The following GRAMD1C variants were observed in gnomAD, a reference collection of about 807,000 sequenced individuals.
The protein encoded by GRAMD1C is protein Aster-C.
GRAMD1C carries 89 observed loss-of-function variants against 97.8 expected under a neutral mutation model. The ratio of observed to expected loss-of-function variants is 0.91; its 90% CI spans 0.77 to 1.09. The LOEUF (loss-of-function observed/expected upper bound fraction) is 1.09, where lower values mean the gene tolerates loss of function less well. GRAMD1C is among the 50% of genes least tolerant of loss of function. The probability of loss-of-function intolerance (pLI) is 0.00; values close to 1 mark genes in which losing one functional copy is unlikely to be tolerated. For synonymous variants in GRAMD1C, 256 were observed against 267.0 expected, an observed-to-expected ratio of 0.96 and a Z score of 0.40; for missense variants, 740 against 766.4, an observed-to-expected ratio of 0.97 and a Z score of 0.41.
At position 113,875,466 on chromosome 3, in the gene GRAMD1C, T is replaced by G. The variant is rs1048744210; in HGVS notation, c.260-18T>G. ...CAGATTTTCGTGAATAAGCTGTATC[T>G]TATTTTTGTGTATATAGATTATGCT... is the stretch of plus-strand genomic sequence containing the variant. On this transcript the variant is annotated intron_variant, in intron 3 of 17. Coordinates refer to ENST00000358160, the MANE Select transcript of GRAMD1C (RefSeq NM_017577.5). The G allele has an allele frequency of 3.8e-6, 4 of 1,043,532 alleles. No homozygotes were observed. Among genetic ancestry groups the G allele is most frequent in the South Asian group, 1.3e-5 (1 of 78,704 alleles). 64.6% of individuals were successfully genotyped at this position (1,043,532 alleles called of 1,614,324 possible). A position where few individuals can be genotyped will look rare whatever the true frequency, so the allele number is the denominator to read the frequency against.
At chr3:113,911,173 G>GACACACACACACACACACAC (rs60151773) in intron 9 of GRAMD1C, among the ~76,000 whole-genome samples, 8,135 of 147,430 alleles carry the variant, frequency 0.055, 269 homozygotes, top group Middle Eastern at 0.086. Context: ...CAGAGAGAGA[G>GACACACACACACACACACAC]ACACACACAC....
At chr3:113,892,253 C>A (rs1270509074) in intron 6 of GRAMD1C, among the ~76,000 whole-genome samples, 1 of 152,004 alleles carries the variant, frequency 6.6e-6, no homozygotes, top group African/African-American at 2.4e-5. Flanking sequence ...GGGCTGACCA[C>A]CTGAGGTTAG....
Position 113,926,251 on chromosome 3 carries a change from A to G in GRAMD1C, c.1091-4463A>G, listed in dbSNP as rs572617616. ...TTTCTCAGAGGTTTTGTTCTTTTTT[A>G]TTCTTTTTTCTTTATTTTTGTCTCA... On this transcript the variant is annotated intron_variant, in intron 10 of 17. Coordinates refer to ENST00000358160, the MANE Select transcript of GRAMD1C (RefSeq NM_017577.5). Among the ~76,000 whole-genome samples, 4 of 152,040 alleles carry G rather than the reference A, an allele frequency of 2.6e-5. No homozygotes were observed. The East Asian group carries it at 7.7e-4, about 29-fold the overall frequency.
intron 7 of GRAMD1C, among the ~76,000 whole-genome samples, chr3:113,901,449 A>G (rs1238361904): frequency 1.3e-5 from 2 of 152,230 alleles, no homozygotes; most frequent in Admixed American, 6.5e-5. Context: ...GAGTTTATAG[A>G]TGACAGTAAA....
At chr3:113,882,711 T>C (rs777702480) in intron 5 of GRAMD1C, 41 bp from the exon 6 acceptor site, 2 of 1,171,988 alleles carry the variant, frequency 1.7e-6, no homozygotes, top group South Asian at 2.4e-5. Flanking sequence ...CTGCTTTTAT[T>C]TTCCATGACA....
chr3:113,843,064 T>TG lies in GRAMD1C; in HGVS notation c.28-1439_28-1438insG, dbSNP rs1162192955. On this transcript the variant is annotated intron_variant, in intron 1 of 17. Transcript: ENST00000358160. ...ACCATAAGCTGTTTTTTTTTTTTTT[T>TG]TTTTTTTTTTTGTTCTTGTTGTTTG... Among the ~76,000 whole-genome samples, 5 of 143,650 alleles carry TG rather than the reference T, an allele frequency of 3.5e-5. No individual in the cohort carries two copies. In the South Asian group the frequency reaches 9.0e-4, roughly 26 times the overall value. The allele number at this position is 143,650 out of a possible 152,430, so 94.2% of individuals were successfully genotyped here. A position where few individuals can be genotyped will look rare whatever the true frequency, so the allele number is the denominator to read the frequency against.
chr3:113,910,881 TGCCAA>T (rs1476530257), intron 9 of GRAMD1C, among the ~76,000 whole-genome samples: 1 of 152,052 alleles, frequency 6.6e-6, no homozygotes, highest in African/African-American at 2.4e-5. Flanking sequence ...GACAGAGGTG[TGCCAA>T]GCCTACCCAA....
chr3:113,849,744 T>TC (rs763486325), intron 2 of GRAMD1C, among the ~76,000 whole-genome samples: 325 of 152,038 alleles, frequency 2.1e-3, no homozygotes, highest in South Asian at 6.7e-3. Flanking sequence ...TCCCCACCTT[T>TC]CCCCCCTTTC....
intron 3 of GRAMD1C, among the ~76,000 whole-genome samples, chr3:113,871,608 G>C (rs1229661545): frequency 6.6e-6 from 1 of 152,038 alleles, no homozygotes; most frequent in East Asian, 1.9e-4. Context: ...AGCCAGGTGT[G>C]GTGGTGGATG....
chr3:113,843,974 G>A (rs370229665), intron 1 of GRAMD1C, among the ~76,000 whole-genome samples: 14 of 152,196 alleles, frequency 9.2e-5, no homozygotes, highest in African/African-American at 3.4e-4. Context: ...TTGTACAAAC[G>A]GACACTCCCA....
chr3:113,859,822 A>T (rs1577134394), intron 2 of GRAMD1C, among the ~76,000 whole-genome samples: 1 of 152,320 alleles, frequency 6.6e-6, no homozygotes, highest in East Asian at 1.9e-4. Context: ...ATGTTTAAAG[A>T]AGAATGAGCA....
intron 8 of GRAMD1C, among the ~76,000 whole-genome samples, chr3:113,905,599 T>A (rs547907352): frequency 3.5e-4 from 54 of 152,358 alleles, no homozygotes; most frequent in African/African-American, 1.2e-3. Context: ...AGGTCTTTTT[T>A]AATAAGAGTT....
At chr3:113,834,119 A>G (rs1709600131), upstream of GRAMD1C, among the ~76,000 whole-genome samples, 1 of 152,178 alleles carries the variant, frequency 6.6e-6, no homozygotes, top group South Asian at 2.1e-4. Context: ...GCTGAAGAGT[A>G]TATGCATTTT....
intron 10 of GRAMD1C, among the ~76,000 whole-genome samples, chr3:113,926,050 G>A (rs771183128): frequency 1.3e-5 from 2 of 152,152 alleles, no homozygotes; most frequent in Non-Finnish European, 2.9e-5. Flanking sequence ...TGTCTTGTAT[G>A]TATCTCATAG....
chr3:113,925,828 G>T (rs1444480309), intron 10 of GRAMD1C, among the ~76,000 whole-genome samples: 1 of 152,184 alleles, frequency 6.6e-6, no homozygotes, highest in Admixed American at 6.5e-5. Context: ...CTTCACTTAT[G>T]AAACTTAGTT....
intron 2 of GRAMD1C, among the ~76,000 whole-genome samples, chr3:113,857,850 C>T (rs1319397590): frequency 6.6e-6 from 1 of 152,146 alleles, no homozygotes; most frequent in Admixed American, 6.5e-5. Context: ...GAATGAACTC[C>T]ACTTGGTCAA....
intron 9 of GRAMD1C, among the ~76,000 whole-genome samples, chr3:113,914,532 T>A (rs941348157): frequency 2.4e-4 from 36 of 152,308 alleles, no homozygotes; most frequent in Non-Finnish European, 4.7e-4. Flanking sequence ...TTCTGAAACA[T>A]GGGGAGCTTT....
intron 9 of GRAMD1C, among the ~76,000 whole-genome samples, chr3:113,913,674 C>T (rs569986655): frequency 3.3e-5 from 5 of 152,002 alleles, no homozygotes; most frequent in African/African-American, 9.7e-5. Context: ...AAGTGTATGG[C>T]GATTTTTTTC....
At chr3:113,843,853 T>C (rs1433643298) in intron 1 of GRAMD1C, among the ~76,000 whole-genome samples, 1 of 152,244 alleles carries the variant, frequency 6.6e-6, no homozygotes, top group African/African-American at 2.4e-5. Context: ...TTATTTCCAC[T>C]TTCATAGTAT....
Sources: gnomAD v4.1 joint callset for allele counts (sites outside exome capture counted in the v4.1 genomes callset) on GRCh38, gnomAD v4.1.1 for gene constraint, MANE v1.5 for transcripts, NCBI Gene and HGNC (gene_info 2026-07-23, HGNC 2026-07-21) for gene names.